Variants in TTF2 observed in about 807,000 individuals in gnomAD.
TTF2 encodes RNA polymerase II termination factor.
Under a neutral mutation model 142.4 loss-of-function variants are expected in TTF2, and 108 were observed. The observed-to-expected ratio is 0.76, with a 90% CI of 0.65 to 0.89. The LOEUF (loss-of-function observed/expected upper bound fraction) is 0.89, where lower values mean the gene tolerates loss of function less well. Ranked by LOEUF, TTF2 falls within the 40% of genes least tolerant of loss-of-function variation. The pLI, the probability that TTF2 is intolerant of heterozygous loss-of-function variation, is 0.00. For synonymous variants in TTF2, 483 were observed against 506.2 expected (o/e 0.95, Z 0.61); for missense variants, 1,327 against 1,379.8 (o/e 0.96, Z 0.61).
At chr1:117,091,228 A>G in intron 15 of TTF2, 100 bp from the exon 16 acceptor site, 1 of 926,894 alleles carries the variant, frequency 1.1e-6, no homozygotes, top group Admixed American at 2.7e-5. Flanking sequence ...GCATCATTTA[A>G]CAAGTCTTCT....
At position 117,092,776 on chromosome 1, in the gene TTF2, C is replaced by A. The variant is rs1269129621; in HGVS notation, c.2851C>A (p.Leu951Met). 6.2e-7 allele frequency: 1 copy of A among 1,614,194 alleles called. No homozygotes were observed. Among genetic ancestry groups the A allele is most frequent in the East Asian group, 2.2e-5 (1 of 44,880 alleles). ...ELKGEGLVLS[L>M]EEQLSALTLS... The stretch of plus-strand genomic sequence containing the variant: ...GAAGGGTGAAGGTCTTGTCCTTTCC[C>A]TGGAAGAACAGCTCAGTGCTTTGAC... The change falls in exon 18 of 23, where the codon CTG becomes ATG. Residue 951 changes from leucine to methionine, a missense_variant. Transcript: ENST00000369466. The surrounding 1 kb of genome is among the most constrained non-coding windows in gnomAD (Gnocchi z 4.4).
At position 117,079,486 on chromosome 1, in the gene TTF2, G is replaced by T. The variant is rs1647296890; in HGVS notation, c.1702-82G>T. On this transcript the variant is annotated intron_variant, in intron 8 of 22. Coordinates refer to ENST00000369466, the MANE Select transcript of TTF2 (RefSeq NM_003594.4). This position sits in a 1 kb window ranked among gnomAD's most constrained non-coding sequence, Gnocchi z 4.2. Reference sequence around the variant, plus strand: ...AGGGAATCATTTGTAGAAAATAGGAGAGTGTAGAGTTCGTGTAGCCAGGCT... The same window carrying T: ...AGGGAATCATTTGTAGAAAATAGGATAGTGTAGAGTTCGTGTAGCCAGGCT... 1.8e-5 allele frequency: 22 copies of T among 1,252,690 alleles called. No individual in the cohort carries two copies. The South Asian group carries it at 2.4e-4, about 14-fold the overall frequency. The allele number at this position is 1,252,690 out of a possible 1,614,324, so 77.6% of individuals were successfully genotyped here. A position where few individuals can be genotyped will look rare whatever the true frequency, so the allele number is the denominator to read the frequency against.
At chr1:117,094,657 T>G in intron 18 of TTF2, 2 of 485,530 alleles carry the variant, frequency 4.1e-6, no homozygotes, top group Non-Finnish European at 8.6e-6. Flanking sequence ...GGAGAGTATC[T>G]TCTCTGTTTT....
rs953365064 is a variant in TTF2, at chr1:117,090,458, G to A, written c.2497-74G>A. 10 of 1,402,310 alleles carry A rather than the reference G, an allele frequency of 7.1e-6. No homozygotes were observed. In the African/African-American group the frequency reaches 1.2e-4, roughly 16 times the overall value. 86.9% of individuals were successfully genotyped at this position (1,402,310 alleles called of 1,614,324 possible). A position where few individuals can be genotyped will look rare whatever the true frequency, so the allele number is the denominator to read the frequency against. On this transcript the variant is annotated intron_variant, in intron 14 of 22. Coordinates refer to ENST00000369466, the MANE Select transcript of TTF2 (RefSeq NM_003594.4). The surrounding 1 kb of genome is among the most constrained non-coding windows in gnomAD (Gnocchi z 4.8). ...AGGGTTGACTAGATATGCAGTGTCA[G>A]TATGGGGAATTTGTTCTATAATAGG...
In TTF2 at chr1:117,086,247, ATGTGTGTGTGTGTGTGTG is replaced by A. The variant is rs3831091; in HGVS notation, c.2055-163_2055-146del. Among the ~76,000 whole-genome samples, 1 of 148,780 alleles carries A rather than the reference ATGTGTGTGTGTGTGTGTG, an allele frequency of 6.7e-6. No homozygotes were observed. The highest frequency in any genetic ancestry group is 2.5e-5 in the African/African-American group (1 of 40,632). The stretch of plus-strand genomic sequence containing the variant: ...CAAGTGGGTAAAATTTACCTCCAAA[ATGTGTGTGTGTGTGTGTG>A]TGTGTGCGTGTGTGTGTTAAGGACA... On this transcript the variant is annotated intron_variant, in intron 11 of 22. Coordinates refer to ENST00000369466, the MANE Select transcript of TTF2 (RefSeq NM_003594.4). The surrounding 1 kb of genome is among the most constrained non-coding windows in gnomAD (Gnocchi z 4.2).
In TTF2 at chr1:117,086,857, G is replaced by T. The variant is rs1005906808; in HGVS notation, c.2160+335G>T. ...TAGAGTATTTGGGGTATATACTCATGATATTTTTAATATTTATTGTGCAGA... is the reference window on the plus strand; with the variant it reads ...TAGAGTATTTGGGGTATATACTCATTATATTTTTAATATTTATTGTGCAGA... On this transcript the variant is annotated intron_variant, in intron 12 of 22. Coordinates refer to ENST00000369466, the MANE Select transcript of TTF2 (RefSeq NM_003594.4). This position sits in a 1 kb window ranked among gnomAD's most constrained non-coding sequence, Gnocchi z 4.2. Among the ~76,000 whole-genome samples the T allele has an allele frequency of 5.3e-5, 8 of 151,798 alleles. No individual in the cohort carries two copies. The highest frequency in any genetic ancestry group is 8.8e-5 in the Non-Finnish European group (6 of 67,992).
chr1:117,094,335 C>G (rs1648895912), intron 18 of TTF2, among the ~76,000 whole-genome samples: 1 of 152,166 alleles, frequency 6.6e-6, no homozygotes, highest in Non-Finnish European at 1.5e-5. Context: ...GATTGACTTA[C>G]AGCCCAGTTT....
At chr1:117,066,626 G>A (rs1656152114) in intron 3 of TTF2, among the ~76,000 whole-genome samples, 2 of 151,378 alleles carry the variant, frequency 1.3e-5, no homozygotes, top group African/African-American at 4.9e-5. Context: ...AGCAGGACAA[G>A]GAAGAAAGGT....
At chr1:117,066,726 A>T (rs1656169085) in intron 3 of TTF2, among the ~76,000 whole-genome samples, 1 of 143,468 alleles carries the variant, frequency 7.0e-6, no homozygotes, top group South Asian at 2.2e-4. Context: ...TTTAAAAGAC[A>T]GAGTCTTGCT....
Position 117,084,226 on chromosome 1 carries a change from G to A in TTF2, c.2054+58G>A, listed in dbSNP as rs189514165. ...TCAGCACCTCTGCCCAAGGGCCCAC[G>A]GGCCTTTGCTCCCATCCCTGAGATT... On this transcript the variant is annotated intron_variant, in intron 11 of 22. Coordinates refer to ENST00000369466, the MANE Select transcript of TTF2 (RefSeq NM_003594.4). The A allele has an allele frequency of 1.6e-5, 25 of 1,601,116 alleles. No individual in the cohort carries two copies. The East Asian group carries it at 2.7e-4, about 17-fold the overall frequency.
At chr1:117,084,324 T>C (rs1299208748) in intron 11 of TTF2, among the ~76,000 whole-genome samples, 156 bp downstream of exon 11, 1 of 152,250 alleles carries the variant, frequency 6.6e-6, no homozygotes. Context: ...AGCCTTTGCG[T>C]TGTATCCTGA....
intron 19 of TTF2, 81 bp downstream of exon 19, chr1:117,095,448 G>A (rs1303920455): frequency 2.3e-6 from 3 of 1,320,772 alleles, no homozygotes; most frequent in African/African-American, 2.9e-5. Context: ...ATAAATCAAG[G>A]ACTGTGAGTC....
intron 9 of TTF2, among the ~76,000 whole-genome samples, chr1:117,081,523 T>C (rs563389702): frequency 2.0e-5 from 3 of 152,310 alleles, no homozygotes; most frequent in Admixed American, 6.5e-5. Flanking sequence ...GTAATAGATA[T>C]CAGTCAGCAC....
intron 18 of TTF2, 114 bp from the exon 19 acceptor site, chr1:117,095,195 C>G (rs936138711): frequency 1.1e-6 from 1 of 896,968 alleles, no homozygotes; most frequent in Admixed American, 2.1e-5. Context: ...GGAATAAAGA[C>G]AGGTGAGGCC....
At position 117,060,605 on chromosome 1, in the gene TTF2, C is replaced by G. The variant is rs2274252; in HGVS notation, c.131+48C>G. On this transcript the variant is annotated intron_variant, in intron 2 of 22. Transcript: ENST00000369466. ...CTCCCTGTGGCTGCCCGGGGCCTCC[C>G]GAGAGGAGCTTCCCGCTCCCCGCTG... is the stretch of plus-strand genomic sequence containing the variant. 1.0e-4 allele frequency: 156 copies of G among 1,528,148 alleles called. 1 individual carries two copies. The East Asian group carries it at 3.2e-3, about 32-fold the overall frequency. The allele number at this position is 1,528,148 out of a possible 1,614,324, so 94.7% of individuals were successfully genotyped here. A position where few individuals can be genotyped will look rare whatever the true frequency, so the allele number is the denominator to read the frequency against.
In TTF2 at chr1:117,092,904, A is replaced by G. The variant is rs367811922; in HGVS notation, c.2976+3A>G. 3 of 1,613,994 alleles carry G rather than the reference A, an allele frequency of 1.9e-6. No homozygotes were observed. The highest frequency in any genetic ancestry group is 2.7e-5 in the African/African-American group (2 of 74,926). ...AAGGCATGCGAGAGAGCACCAAGGTACTTTTTGTCTCCTCTGTAGTAGTCG... is the reference window on the plus strand; with the variant it reads ...AAGGCATGCGAGAGAGCACCAAGGTGCTTTTTGTCTCCTCTGTAGTAGTCG... On this transcript the variant is annotated splice_donor_region_variant and intron_variant, in intron 18 of 22. Coordinates refer to ENST00000369466, the MANE Select transcript of TTF2 (RefSeq NM_003594.4). The surrounding 1 kb of genome is among the most constrained non-coding windows in gnomAD (Gnocchi z 4.4).
chr1:117,070,581 T>C lies in TTF2; in HGVS notation c.219-3080T>C, dbSNP rs1656495776. Among the ~76,000 whole-genome samples the C allele has an allele frequency of 6.6e-6, 1 of 152,234 alleles. No homozygotes were observed. Among genetic ancestry groups the C allele is most frequent in the Non-Finnish European group, 1.5e-5 (1 of 68,046 alleles). ...AAGATTTCAAGTACTTGATATGCTT[T>C]AAACAACAGCAGGAGTTTGTTCTTG... On this transcript the variant is annotated intron_variant, in intron 3 of 22. Coordinates refer to ENST00000369466, the MANE Select transcript of TTF2 (RefSeq NM_003594.4). This position sits in a 1 kb window ranked among gnomAD's most constrained non-coding sequence, Gnocchi z 4.2.
In TTF2 at chr1:117,079,857, A is replaced by G. The variant is rs1647336268; in HGVS notation, c.1783+208A>G. On this transcript the variant is annotated intron_variant, in intron 9 of 22. Transcript: ENST00000369466. The surrounding 1 kb of genome is among the most constrained non-coding windows in gnomAD (Gnocchi z 4.2). ...AGGATCAAAGATGTTGGTTGCCAGC[A>G]GTAGAAGCTGACTCTGGCTGATTAA... 6.6e-6 allele frequency among the ~76,000 whole-genome samples: 1 copy of G among 152,214 alleles called. No individual in the cohort carries two copies. Among genetic ancestry groups the G allele is most frequent in the South Asian group, 2.1e-4 (1 of 4,832 alleles).
In TTF2 at chr1:117,096,165, T is replaced by A. The variant is rs1010454836; in HGVS notation, c.3052T>A (p.Trp1018Arg). The A allele has an allele frequency of 6.2e-7, 1 of 1,614,106 alleles. No homozygotes were observed. The highest frequency in any genetic ancestry group is 1.3e-5 in the African/African-American group (1 of 75,036). ...TCTTTCCAGTGTCATTGTCTCTCAGTGGACCAACATGCTGAAAGTTGTAGC... is the reference window on the plus strand; with the variant it reads ...TCTTTCCAGTGTCATTGTCTCTCAGAGGACCAACATGCTGAAAGTTGTAGC... ...ASQKSVIVSQ[W>R]TNMLKVVALH... The change falls in exon 20 of 23, where the codon TGG (tryptophan) becomes AGG (arginine). Residue 1018 changes from tryptophan (W) to arginine (R), a missense_variant. Transcript: ENST00000369466.
Sources: gnomAD v4.1 joint callset for allele counts (sites outside exome capture counted in the v4.1 genomes callset) on GRCh38, gnomAD v4.1.1 for gene constraint, Gnocchi (gnomAD v3.1) non-coding constraint, MANE v1.5 for transcripts, NCBI Gene and HGNC (gene_info 2026-07-23, HGNC 2026-07-21) for gene names.